GCSAML: variants seen among roughly 807,000 people sequenced by gnomAD.
GCSAML encodes germinal center associated signaling and motility like, also known as germinal center-associated signaling and motility-like protein.
In GCSAML, 9 loss-of-function variants were observed where a neutral mutation model predicts 13.0. That is an observed-to-expected ratio of 0.69 (90% confidence interval 0.42 to 1.21). The LOEUF (loss-of-function observed/expected upper bound fraction) is 1.21, where lower values mean the gene tolerates loss of function less well. GCSAML is among the 50% of genes most tolerant of loss of function. The pLI, the probability that GCSAML is intolerant of heterozygous loss-of-function variation, is 0.00. For synonymous variants in GCSAML, 37 were observed against 52.9 expected, an observed-to-expected ratio of 0.70 and a Z score of 1.31; for missense variants, 143 against 153.4, an observed-to-expected ratio of 0.93 and a Z score of 0.36.
chr1:247,546,309 A>AC (rs1458109857), upstream of GCSAML, among the ~76,000 whole-genome samples: 1 of 152,130 alleles, frequency 6.6e-6, no homozygotes, highest in Non-Finnish European at 1.5e-5. Context: ...AGTGGATGGG[A>AC]CTACAGGCAC....
At chr1:247,571,818 C>A (rs756239376) in intron 4 of GCSAML, among the ~76,000 whole-genome samples, 1 of 152,178 alleles carries the variant, frequency 6.6e-6, no homozygotes, top group Non-Finnish European at 1.5e-5. Flanking sequence ...CCATTCTCCC[C>A]GTCACTTTCA....
intron 1 of GCSAML, among the ~76,000 whole-genome samples, chr1:247,521,385 A>C (rs1572291052): frequency 4.0e-5 from 2 of 50,298 alleles, no homozygotes; most frequent in Non-Finnish European, 5.4e-5. Context: ...CTCCCTCTCC[A>C]CGGTCTCCCT....
chr1:247,513,102 T>G (rs754627513), intron 1 of GCSAML, among the ~76,000 whole-genome samples: 6 of 152,352 alleles, frequency 3.9e-5, no homozygotes, highest in Non-Finnish European at 7.3e-5. Context: ...GCTGAAGCTG[T>G]GCCCATAGCC....
chr1:247,573,148 C>T (rs1007460337), intron 4 of GCSAML, among the ~76,000 whole-genome samples: 6 of 152,214 alleles, frequency 3.9e-5, no homozygotes, highest in African/African-American at 1.4e-4. Context: ...ACTTGGCTCC[C>T]TGGCTTCAGC....
At chr1:247,531,708 G>A in intron 2 of GCSAML, 1 of 1,614,202 alleles carries the variant, frequency 6.2e-7, no homozygotes, top group Non-Finnish European at 8.5e-7. Context: ...CCTGCTCATG[G>A]GAGGTGCTCT....
In GCSAML at chr1:247,575,448, C is replaced by CTGTG. The variant is rs1668796628; in HGVS notation, c.*1067_*1068insGTGT. 1 of 152,180 alleles carries CTGTG rather than the reference C, an allele frequency of 6.6e-6. No individual in the cohort carries two copies. Among genetic ancestry groups the CTGTG allele is most frequent in the Non-Finnish European group, 1.5e-5 (1 of 68,026 alleles). The allele number at this position is 152,180 out of a possible 1,614,324, so 9.4% of individuals were successfully genotyped here. Reference sequence around the variant, plus strand: ...ACCTATTTCATCTTTGAGGTGTAATCTACTCAATAAACTGTGTAAGACCAG... The same window carrying CTGTG: ...ACCTATTTCATCTTTGAGGTGTAATCTGTGTACTCAATAAACTGTGTAAGACCAG... On this transcript the variant is annotated 3_prime_UTR_variant, in exon 5 of 5. Coordinates refer to ENST00000366488, the MANE Select transcript of GCSAML (RefSeq NM_145278.5).
At chr1:247,525,406 A>C (rs549538469) in intron 1 of GCSAML, 30 of 66,406 alleles carry the variant, frequency 4.5e-4, no homozygotes, top group African/African-American at 9.7e-4. Flanking sequence ...TGTGTGTCTG[A>C]CCAGTCAATC....
At chr1:247,547,698 C>T (rs1194141522), upstream of GCSAML, among the ~76,000 whole-genome samples, 1 of 152,168 alleles carries the variant, frequency 6.6e-6, no homozygotes, top group Non-Finnish European at 1.5e-5. Context: ...TGGTCAAGGA[C>T]AGCAATGGCG....
At chr1:247,554,242 T>A (rs918229671) in intron 1 of GCSAML, among the ~76,000 whole-genome samples, 1 of 152,178 alleles carries the variant, frequency 6.6e-6, no homozygotes, top group Non-Finnish European at 1.5e-5. Context: ...TTATATTTCA[T>A]TTTTTCCAAG....
chr1:247,515,232 G>A (rs925250104), intron 1 of GCSAML, among the ~76,000 whole-genome samples: 15 of 152,328 alleles, frequency 9.8e-5, no homozygotes, highest in African/African-American at 3.4e-4. Flanking sequence ...CAGATAATGA[G>A]TTAAGTAATG....
intron 2 of GCSAML, among the ~76,000 whole-genome samples, chr1:247,559,119 C>T (rs1169514915): frequency 6.6e-6 from 1 of 152,166 alleles, no homozygotes; most frequent in Non-Finnish European, 1.5e-5. Context: ...GGCACCAACA[C>T]TCAATACATA....
At chr1:247,555,583 G>A (rs574247569) in intron 1 of GCSAML, among the ~76,000 whole-genome samples, 14 of 152,284 alleles carry the variant, frequency 9.2e-5, no homozygotes, top group East Asian at 1.9e-4. Context: ...CTTTCTCAGC[G>A]TTGGTTCGAA....
upstream of GCSAML, chr1:247,549,053 C>A (rs573271871): frequency 2.5e-6 from 4 of 1,591,594 alleles, no homozygotes; most frequent in Admixed American, 1.7e-5. Flanking sequence ...AGGCCCCTGG[C>A]AGCTCGTGGT....
chr1:247,558,710 G>A (rs1301069436), intron 2 of GCSAML, among the ~76,000 whole-genome samples: 1 of 151,872 alleles, frequency 6.6e-6, no homozygotes, highest in Non-Finnish European at 1.5e-5. Context: ...AACTTTTCTT[G>A]TTTAGGAATG....
chr1:247,560,385 T>TA (rs146520992), intron 2 of GCSAML, among the ~76,000 whole-genome samples: 6,920 of 152,322 alleles, frequency 0.045, 187 homozygotes, highest in East Asian at 0.088. Context: ...TGGAGAGTAA[T>TA]ACAGTTCTTG....
chr1:247,563,716 C>A, intron 3 of GCSAML, 77 bp downstream of exon 3: 1 of 752,542 alleles, frequency 1.3e-6, no homozygotes, highest in Non-Finnish European at 2.3e-6. Context: ...CACTCTTGAG[C>A]CTATTGTAAT....
intron 4 of GCSAML, among the ~76,000 whole-genome samples, chr1:247,567,560 C>A (rs1366888769): frequency 6.6e-6 from 1 of 152,156 alleles, no homozygotes; most frequent in Non-Finnish European, 1.5e-5. Flanking sequence ...GGCACATTTT[C>A]TTTATCCAGT....
intron 1 of GCSAML, 129 bp from the exon 2 acceptor site, chr1:247,556,278 G>A: frequency 1.5e-6 from 1 of 658,948 alleles, no homozygotes; most frequent in East Asian, 2.6e-5. Flanking sequence ...TATTGATTTT[G>A]AAGGAAAGGG....
chr1:247,550,839 A>T (rs1365920794), intron 1 of GCSAML, among the ~76,000 whole-genome samples: 1 of 152,176 alleles, frequency 6.6e-6, no homozygotes, highest in African/African-American at 2.4e-5. Flanking sequence ...AGCCTAGGTA[A>T]GACAATGGTC....
Sources: gnomAD v4.1 joint callset for allele counts (sites outside exome capture counted in the v4.1 genomes callset) on GRCh38, gnomAD v4.1.1 for gene constraint, MANE v1.5 for transcripts, NCBI Gene and HGNC (gene_info 2026-07-23, HGNC 2026-07-21) for gene names.